The following RAD51B variants were observed in gnomAD, a reference collection of about 807,000 sequenced individuals.
The protein encoded by RAD51B is RAD51 paralog B.
Under a neutral mutation model 42.2 loss-of-function variants are expected in RAD51B, and 38 were observed. That is an observed-to-expected ratio of 0.90 (90% confidence interval 0.70 to 1.18). The LOEUF is 1.18. RAD51B is among the 50% of genes most tolerant of loss of function. The pLI is 0.00. For synonymous variants in RAD51B, 154 were observed against 145.2 expected (o/e 1.06, Z -0.43); for missense variants, 373 against 400.7 (o/e 0.93, Z 0.59).
At chr14:68,682,809 C>T (rs866893509) in intron 11 of RAD51B, 16 of 374,504 alleles carry the variant, frequency 4.3e-5, no homozygotes, top group South Asian at 2.4e-4. Context: ...GGGGAGAGGG[C>T]GGGGAGTTTG....
intron 1 of RAD51B, 155 bp from the exon 2 acceptor site, chr14:67,823,387 C>A (rs1408814817): frequency 3.5e-6 from 2 of 563,456 alleles, no homozygotes; most frequent in African/African-American, 3.8e-5. Context: ...TATAGCATTC[C>A]TTTATCAGTA....
intron 7 of RAD51B, among the ~76,000 whole-genome samples, chr14:68,086,922 G>A (rs942582692): frequency 1.3e-5 from 2 of 152,072 alleles, no homozygotes; most frequent in African/African-American, 2.4e-5. Flanking sequence ...GATCACCTGA[G>A]GTCAGGAGTT....
chr14:68,594,449 T>C, intron 10 of RAD51B: 1 of 1,358,866 alleles, frequency 7.4e-7, no homozygotes, highest in Non-Finnish European at 9.8e-7. Context: ...CAAAAGGGCC[T>C]AGACTTTGAC....
intron 7 of RAD51B, among the ~76,000 whole-genome samples, chr14:67,924,032 G>T (rs1261025116): frequency 6.6e-6 from 1 of 152,068 alleles, no homozygotes; most frequent in Non-Finnish European, 1.5e-5. Flanking sequence ...CTTCTTTTGA[G>T]AATTGCTTAT....
intron 7 of RAD51B, among the ~76,000 whole-genome samples, chr14:68,063,024 A>G (rs1354905662): frequency 1.3e-5 from 2 of 151,908 alleles, no homozygotes; most frequent in Non-Finnish European, 2.9e-5. Context: ...TTAATTTGTT[A>G]GTATGTAGTT....
intron 7 of RAD51B, among the ~76,000 whole-genome samples, chr14:68,107,550 A>C (rs1442838849): frequency 6.6e-6 from 1 of 151,818 alleles, no homozygotes; most frequent in African/African-American, 2.4e-5. Context: ...TGGAAGACTC[A>C]TATTTTCCAG....
intron 7 of RAD51B, among the ~76,000 whole-genome samples, chr14:68,104,024 A>G (rs1380339294): frequency 6.6e-6 from 1 of 152,148 alleles, no homozygotes; most frequent in Non-Finnish European, 1.5e-5. Context: ...GTTTCAGAAG[A>G]GCTGAGGTAA....
chr14:68,445,619 G>T (rs908542328), intron 9 of RAD51B, among the ~76,000 whole-genome samples: 1 of 152,256 alleles, frequency 6.6e-6, no homozygotes, highest in African/African-American at 2.4e-5. Flanking sequence ...GCTTATAATT[G>T]ACTGGCTTTC....
At chr14:67,929,630 T>C (rs1218904401) in intron 7 of RAD51B, among the ~76,000 whole-genome samples, 2 of 152,214 alleles carry the variant, frequency 1.3e-5, no homozygotes, top group Non-Finnish European at 2.9e-5. Context: ...TGATGTTTCT[T>C]TATTTTCTGT....
At chr14:68,128,409 A>G (rs2077816672) in intron 7 of RAD51B, among the ~76,000 whole-genome samples, 1 of 152,172 alleles carries the variant, frequency 6.6e-6, no homozygotes, top group African/African-American at 2.4e-5. Context: ...AAAGGGGCTT[A>G]TAGGCCAGGC....
At chr14:68,508,907 G>C (rs903740630) in intron 10 of RAD51B, among the ~76,000 whole-genome samples, 1 of 152,258 alleles carries the variant, frequency 6.6e-6, no homozygotes, top group African/African-American at 2.4e-5. Flanking sequence ...GAAGGGCAAG[G>C]TGACCCTGCT....
At chr14:68,610,937 G>A in intron 10 of RAD51B, 1 of 650,214 alleles carries the variant, frequency 1.5e-6, no homozygotes, top group Non-Finnish European at 2.8e-6. Context: ...ATTATTCAAT[G>A]TTGTTTCCTA....
At chr14:67,848,560 TG>T (rs1197758164) in intron 4 of RAD51B, among the ~76,000 whole-genome samples, 1 of 152,102 alleles carries the variant, frequency 6.6e-6, no homozygotes, top group African/African-American at 2.4e-5. Context: ...GTCTTTTAAG[TG>T]GGGTGTTTAG....
At chr14:68,017,787 T>C (rs200531308) in intron 7 of RAD51B, among the ~76,000 whole-genome samples, 1 of 151,828 alleles carries the variant, frequency 6.6e-6, no homozygotes, top group African/African-American at 2.4e-5. Context: ...CCTGGCCAAC[T>C]TGGTGAAACC....
intron 7 of RAD51B, among the ~76,000 whole-genome samples, chr14:68,067,374 G>A (rs562525292): frequency 6.7e-6 from 1 of 148,820 alleles, no homozygotes; most frequent in South Asian, 2.1e-4. Flanking sequence ...TGAGGCAGCA[G>A]AATTGCTTGA....
At chr14:68,561,046 A>G (rs1235419477) in intron 10 of RAD51B, among the ~76,000 whole-genome samples, 1 of 152,064 alleles carries the variant, frequency 6.6e-6, no homozygotes, top group African/African-American at 2.4e-5. Flanking sequence ...CAGGGCCATC[A>G]CCCATCTAGG....
chr14:68,650,080 T>G (rs938976159), intron 10 of RAD51B, among the ~76,000 whole-genome samples: 25 of 152,214 alleles, frequency 1.6e-4, no homozygotes, highest in African/African-American at 5.1e-4. Flanking sequence ...GTCTGATCTT[T>G]GCTGATGGGT....
At chr14:68,197,903 A>T (rs986324072) in intron 7 of RAD51B, among the ~76,000 whole-genome samples, 10 of 152,136 alleles carry the variant, frequency 6.6e-5, no homozygotes, top group Middle Eastern at 3.2e-3. Context: ...AGATATATGT[A>T]CTATAACTAT....
rs114128388 is a variant in RAD51B, at chr14:68,323,450, C to T, written c.853+31470C>T. 2.7e-3 allele frequency among the ~76,000 whole-genome samples: 407 copies of T among 152,242 alleles called. 2 individuals are homozygous for T. Among genetic ancestry groups the T allele is most frequent in the African/African-American group, 9.4e-3 (389 of 41,552 alleles). On this transcript the variant is annotated intron_variant, in intron 8 of 10. Transcript: ENST00000471583. ...GGCCTTGGCAGCTAAGGGTGGTGTT[C>T]CTTAGGGAACTGGGAGGCCATCCAG...
Sources: allele counts gnomAD v4.1 joint callset (sites outside exome capture counted in the v4.1 genomes callset), GRCh38; gene constraint gnomAD v4.1.1; transcripts MANE v1.5; gene names NCBI Gene and HGNC (gene_info 2026-07-23, HGNC 2026-07-21).